The following PIK3R3 variants were observed in gnomAD, a reference collection of about 807,000 sequenced individuals.
PIK3R3 encodes phosphoinositide-3-kinase regulatory subunit 3, also known as phosphatidylinositol 3-kinase regulatory subunit gamma.
PIK3R3 carries 64 observed loss-of-function variants against 62.9 expected under a neutral mutation model. The observed-to-expected ratio is 1.02, with a 90% CI of 0.83 to 1.25. The LOEUF (loss-of-function observed/expected upper bound fraction) is 1.25. Ranked by LOEUF, PIK3R3 falls within the 50% of genes most tolerant of loss-of-function variation. The probability of loss-of-function intolerance (pLI) is 0.00; values close to 1 mark genes in which losing one functional copy is unlikely to be tolerated. For synonymous variants in PIK3R3, 165 were observed against 189.0 expected (o/e 0.87, Z 1.04); for missense variants, 614 against 561.6 (o/e 1.09, Z -0.94).
chr1:46,125,791 T>TA (rs1158979863), intron 1 of PIK3R3, among the ~76,000 whole-genome samples: 3 of 151,770 alleles, frequency 2.0e-5, no homozygotes, highest in African/African-American at 4.8e-5. Flanking sequence ...GACAGAGTCT[T>TA]ACTCTGTTGC....
At chr1:46,055,642 C>G (rs1647814305) in intron 7 of PIK3R3, among the ~76,000 whole-genome samples, 153 bp downstream of exon 7, 1 of 152,202 alleles carries the variant, frequency 6.6e-6, no homozygotes, top group East Asian at 1.9e-4. Context: ...GTACCCCCTA[C>G]AACTACCAAG....
chr1:46,046,739 C>A, intron 7 of PIK3R3, 114 bp from the exon 8 acceptor site: 1 of 686,758 alleles, frequency 1.5e-6, no homozygotes, highest in Non-Finnish European at 2.5e-6. Context: ...TTTTCCTAAT[C>A]CCACAGAATG....
Position 46,046,659 on chromosome 1 carries a change from T to C in PIK3R3, c.942-34A>G, listed in dbSNP as rs779357773. The C allele has an allele frequency of 9.6e-6, 14 of 1,456,638 alleles. No homozygotes were observed. The Admixed American group carries it at 1.2e-4, about 12-fold the overall frequency. The allele number at this position is 1,456,638 out of a possible 1,614,324, so 90.2% of individuals were successfully genotyped here. On this transcript the variant is annotated intron_variant, in intron 7 of 9. Coordinates refer to ENST00000262741, the MANE Select transcript of PIK3R3 (RefSeq NM_003629.4). ...GGAAAGACACCAGTGTCAGTATCCA[T>C]GCAAACTCTGACTGGACAAAGTAGG...
At chr1:46,143,344 GA>G in the PIK3R3 span, among the ~76,000 whole-genome samples, 2 of 152,136 alleles carry the variant, frequency 1.3e-5, no homozygotes, top group Non-Finnish European at 2.9e-5. Flanking sequence ...AATTGATACA[GA>G]ATACTTTACA....
the PIK3R3 span, among the ~76,000 whole-genome samples, chr1:46,172,141 C>T: frequency 6.6e-6 from 1 of 152,200 alleles, no homozygotes; most frequent in East Asian, 1.9e-4. Flanking sequence ...GCCTGCTCCT[C>T]CTGCACCTGT....
chr1:46,152,177 C>A, the PIK3R3 span, among the ~76,000 whole-genome samples: 1 of 152,186 alleles, frequency 6.6e-6, no homozygotes, highest in Non-Finnish European at 1.5e-5. Context: ...TATAAACCCT[C>A]CCCACTGCTA....
the PIK3R3 span, among the ~76,000 whole-genome samples, chr1:46,152,471 G>A: frequency 6.6e-5 from 10 of 151,980 alleles, no homozygotes; most frequent in African/African-American, 2.4e-4. Flanking sequence ...GTGGCAATTG[G>A]GTTGTTTTCT....
intron 7 of PIK3R3, among the ~76,000 whole-genome samples, chr1:46,054,375 GAC>G (rs1571363374): frequency 8.6e-6 from 1 of 115,854 alleles, no homozygotes; most frequent in Admixed American, 1.2e-4. Flanking sequence ...CAGCCTGGGT[GAC>G]ACAGTGAGAC....
chr1:46,155,665 T>C, the PIK3R3 span, among the ~76,000 whole-genome samples: 1 of 152,126 alleles, frequency 6.6e-6, no homozygotes, highest in Admixed American at 6.6e-5. Context: ...TTTTGTCAAG[T>C]TGCCCAGGCT....
intron 1 of PIK3R3, among the ~76,000 whole-genome samples, chr1:46,119,384 A>G (rs906834006): frequency 6.6e-6 from 1 of 152,220 alleles, no homozygotes; most frequent in African/African-American, 2.4e-5. Context: ...ACCCTATTGA[A>G]TGACCATTAT....
chr1:46,141,293 CAG>C, the PIK3R3 span, among the ~76,000 whole-genome samples: 1 of 151,780 alleles, frequency 6.6e-6, no homozygotes, highest in Non-Finnish European at 1.5e-5. Context: ...ATTTTTGAGA[CAG>C]AGTCTCACTC....
the PIK3R3 span, among the ~76,000 whole-genome samples, chr1:46,153,931 A>G: frequency 2.6e-5 from 4 of 152,226 alleles, no homozygotes; most frequent in African/African-American, 7.2e-5. Flanking sequence ...TTTCCTGGAG[A>G]GGATAGGAAA....
At chr1:46,043,927 C>T (rs2149370086) in intron 9 of PIK3R3, 56 bp from the exon 10 acceptor site, 1 of 1,408,670 alleles carries the variant, frequency 7.1e-7, no homozygotes, top group Non-Finnish European at 9.8e-7. Flanking sequence ...GATAAAAGGA[C>T]ACTAAATGGC....
chr1:46,132,607 C>CT lies in PIK3R3; in HGVS notation c.-656_-655insA, dbSNP rs1655722473. 7.8e-7 allele frequency: 1 copy of CT among 1,289,316 alleles called. No homozygotes were observed. 79.9% of individuals were successfully genotyped at this position (1,289,316 alleles called of 1,614,324 possible). On this transcript the variant is annotated 5_prime_UTR_variant, in exon 1 of 10. Coordinates refer to ENST00000262741, the MANE Select transcript of PIK3R3 (RefSeq NM_003629.4). The stretch of plus-strand genomic sequence containing the variant: ...GGGTGTAAGAACCAACCCGACCGCA[C>CT]CAACTGCCCTCAAGCTCTGCCCGGA...
chr1:46,094,691 T>C (rs1651953170), intron 1 of PIK3R3, among the ~76,000 whole-genome samples: 1 of 152,218 alleles, frequency 6.6e-6, no homozygotes, highest in South Asian at 2.1e-4. Flanking sequence ...TTTTCCCCAG[T>C]GGAATGATTT....
At chr1:46,061,623 A>C (rs1571383687) in intron 6 of PIK3R3, among the ~76,000 whole-genome samples, 1 of 152,198 alleles carries the variant, frequency 6.6e-6, no homozygotes, top group Non-Finnish European at 1.5e-5. Flanking sequence ...AGGGATCAGG[A>C]CCAGGCACTG....
chr1:46,086,147 AGT>A (rs1242455012), intron 1 of PIK3R3, among the ~76,000 whole-genome samples: 1 of 152,262 alleles, frequency 6.6e-6, no homozygotes, highest in African/African-American at 2.4e-5. Flanking sequence ...AGATGTTTTA[AGT>A]GTGTGTATGT....
upstream of PIK3R3, chr1:46,132,821 G>T: frequency 4.9e-6 from 6 of 1,221,730 alleles, no homozygotes; most frequent in Non-Finnish European, 6.3e-6. Flanking sequence ...TGTTCAAAAA[G>T]CTGCTCTCCA....
the PIK3R3 span, among the ~76,000 whole-genome samples, chr1:46,162,383 A>C: frequency 1.3e-5 from 2 of 151,606 alleles, no homozygotes; most frequent in Non-Finnish European, 2.9e-5. Flanking sequence ...ACTCAGGAGG[A>C]TCACTTGAGC....
Sources: allele counts gnomAD v4.1 joint callset (sites outside exome capture counted in the v4.1 genomes callset), GRCh38; gene constraint gnomAD v4.1.1; transcripts MANE v1.5; gene names NCBI Gene and HGNC (gene_info 2026-07-23, HGNC 2026-07-21).